Variants in JAML observed in about 807,000 individuals in gnomAD.
JAML encodes junctional adhesion molecule-like.
In JAML, 25 loss-of-function variants were observed where a neutral mutation model predicts 39.3. That is an observed-to-expected ratio of 0.64 (90% CI 0.46 to 0.89). The LOEUF (loss-of-function observed/expected upper bound fraction) is 0.89, where lower values mean the gene tolerates loss of function less well. Among genes scored for constraint, JAML ranks in the 40% least tolerant of loss-of-function variants. The pLI, the probability that JAML is intolerant of heterozygous loss-of-function variation, is 0.00. For synonymous variants in JAML, 162 were observed against 179.2 expected (o/e 0.90, Z 0.77); for missense variants, 440 against 486.9 (o/e 0.90, Z 0.91).
chr11:118,219,167 G>GA (rs36104468), intron 1 of JAML, among the ~76,000 whole-genome samples: 1 of 151,806 alleles, frequency 6.6e-6, no homozygotes, highest in South Asian at 2.1e-4. Flanking sequence ...CACATATATG[G>GA]AAAAAAATGT....
rs777490104 is a variant in JAML at position 118,214,845 on chromosome 11, T to C, written c.22A>G (p.Ile8Val). MFCPLKL[I>V]LLPVLLDYSL... ...TTACCCAGTAACACTGGCAGCAGGA[T>C]GAGTTTCAGTGGGCAAAACATGCTG... is the stretch of plus-strand genomic sequence containing the variant. Residue 8 changes from isoleucine (I) to valine (V), a missense_variant, in exon 2 of 10, where the codon ATC becomes GTC. Coordinates refer to ENST00000356289, the MANE Select transcript of JAML (RefSeq NM_001098526.2). 3 of 1,614,148 alleles carry C rather than the reference T, an allele frequency of 1.9e-6. No individual in the cohort carries two copies. The highest frequency in any genetic ancestry group is 2.5e-6 in the Non-Finnish European group (3 of 1,179,998).
intron 8 of JAML, 141 bp from the exon 9 acceptor site, chr11:118,196,962 CAACA>C: frequency 1.6e-6 from 1 of 636,256 alleles, no homozygotes; most frequent in Non-Finnish European, 2.8e-6. Context: ...AGAGAATTCT[CAACA>C]ATGATAATTC....
In JAML at chr11:118,199,808, T is replaced by C. The variant is rs886116430; in HGVS notation, c.911+666A>G. Among the ~76,000 whole-genome samples, 6 of 151,080 alleles carry C rather than the reference T, an allele frequency of 4.0e-5. No homozygotes were observed. The South Asian group carries it at 1.3e-3, about 32-fold the overall frequency. On this transcript the variant is annotated intron_variant, in intron 7 of 9. Transcript: ENST00000356289. ...ACCTCCCAGGTTCACGCCATTCTCC[T>C]GCCTCAGCCTCCCAAGTAGCTGGGA...
intron 9 of JAML, 109 bp downstream of exon 9, chr11:118,196,626 G>C: frequency 1.1e-6 from 1 of 870,678 alleles, no homozygotes; most frequent in South Asian, 1.4e-5. Flanking sequence ...CTGCTACTTA[G>C]AAAAATCACC....
chr11:118,211,796 A>G (rs1370461584), intron 3 of JAML, among the ~76,000 whole-genome samples: 1 of 152,070 alleles, frequency 6.6e-6, no homozygotes, highest in Non-Finnish European at 1.5e-5. Flanking sequence ...ACTGTTCCTC[A>G]CTCCAAAGAG....
intron 1 of JAML, among the ~76,000 whole-genome samples, chr11:118,221,209 T>C (rs549848862): frequency 6.6e-6 from 1 of 151,782 alleles, no homozygotes; most frequent in Middle Eastern, 3.4e-3. Context: ...AATAATTACA[T>C]GGCTAGTCCT....
rs576482997 is a variant in JAML, at chr11:118,196,803, T to C, written c.1024A>G (p.Ile342Val). Reference sequence around the variant, plus strand: ...TCCTCGATCACCTCCCGTACAATTATTGGGGAGTAAATGTGTTTCTAGAGG... The same window carrying C: ...TCCTCGATCACCTCCCGTACAATTACTGGGGAGTAAATGTGTTTCTAGAGG... ...CEGEKHIYSP[I>V]IVREVIEEEE... The change falls in exon 9 of 10, where the codon ATA becomes GTA. Residue 342 changes from isoleucine (I) to valine (V), a missense_variant. By Grantham distance (29) the Ile-to-Val change is conservative. Transcript: ENST00000356289. The C allele has an allele frequency of 2.5e-5, 40 of 1,611,754 alleles. No individual in the cohort carries two copies. Among genetic ancestry groups the C allele is most frequent in the East Asian group, 2.5e-4 (11 of 44,864 alleles).
chr11:118,204,350 A>G (rs1311443334), intron 5 of JAML: 1 of 153,178 alleles, frequency 6.5e-6, no homozygotes, highest in Admixed American at 6.5e-5. Context: ...TAAAAATGTA[A>G]GTTAAATCAT....
chr11:118,221,286 A>G (rs1165563721), intron 1 of JAML, among the ~76,000 whole-genome samples: 5 of 152,176 alleles, frequency 3.3e-5, no homozygotes, highest in South Asian at 2.1e-4. Context: ...TCCCGGAAAA[A>G]AACAACAGCA....
chr11:118,205,682 T>C, intron 5 of JAML, 200 bp downstream of exon 5: 1 of 563,996 alleles, frequency 1.8e-6, no homozygotes, highest in South Asian at 2.2e-5. Flanking sequence ...AAGTTAAGCA[T>C]CATCATCATC....
intron 1 of JAML, among the ~76,000 whole-genome samples, chr11:118,219,242 G>A (rs77610621): frequency 0.03 from 4,639 of 152,248 alleles, 110 homozygotes; most frequent in Non-Finnish European, 0.049. Context: ...ATACCAGTTA[G>A]GGTGGTTATT....
intron 9 of JAML, among the ~76,000 whole-genome samples, chr11:118,195,267 C>A (rs901296874): frequency 6.6e-6 from 1 of 152,128 alleles, no homozygotes; most frequent in African/African-American, 2.4e-5. Flanking sequence ...CATTCAGCTG[C>A]AACTTCAGGG....
chr11:118,219,633 C>G (rs1949188010), intron 1 of JAML, among the ~76,000 whole-genome samples: 1 of 152,234 alleles, frequency 6.6e-6, no homozygotes, highest in Non-Finnish European at 1.5e-5. Context: ...CATACCTTCT[C>G]TAATAAATCT....
chr11:118,200,323 G>C, intron 7 of JAML, 151 bp downstream of exon 7: 3 of 911,720 alleles, frequency 3.3e-6, no homozygotes. Context: ...AGTAAGCAAA[G>C]TGGGCAGGGT....
At chr11:118,211,045 G>C (rs1001741606) in intron 3 of JAML, among the ~76,000 whole-genome samples, 1 of 152,160 alleles carries the variant, frequency 6.6e-6, no homozygotes, top group African/African-American at 2.4e-5. Flanking sequence ...CCTATTTTCT[G>C]CCACAGCCCC....
At chr11:118,221,787 T>C (rs1949212724) in intron 1 of JAML, among the ~76,000 whole-genome samples, 1 of 152,194 alleles carries the variant, frequency 6.6e-6, no homozygotes, top group South Asian at 2.1e-4. Flanking sequence ...TTGATTCTTT[T>C]CCCCTCCATG....
At chr11:118,200,720 A>G in intron 6 of JAML, 108 bp from the exon 7 acceptor site, 1 of 1,284,462 alleles carries the variant, frequency 7.8e-7, no homozygotes, top group Non-Finnish European at 1.1e-6. Flanking sequence ...AGCGGAGGGG[A>G]AGGCCAGACT....
At chr11:118,223,889 C>T (rs1268242206) in intron 1 of JAML, 2 of 152,096 alleles carry the variant, frequency 1.3e-5, no homozygotes, top group Non-Finnish European at 2.9e-5. Flanking sequence ...CCCCAAATTA[C>T]AATATCATGA....
intron 4 of JAML, 87 bp downstream of exon 4, chr11:118,210,400 G>A: frequency 7.7e-7 from 1 of 1,293,622 alleles, no homozygotes; most frequent in Non-Finnish European, 1.1e-6. Flanking sequence ...CCAAAGGCTG[G>A]CATTTACTCA....
Sources: gnomAD v4.1 joint callset for allele counts (sites outside exome capture counted in the v4.1 genomes callset) on GRCh38, gnomAD v4.1.1 for gene constraint, MANE v1.5 for transcripts, NCBI Gene and HGNC (gene_info 2026-07-23, HGNC 2026-07-21) for gene names.